MSH4: variants seen among roughly 807,000 people sequenced by gnomAD.
MSH4 encodes the protein mutS homolog 4, also known as mutS protein homolog 4.
MSH4 carries 106 observed loss-of-function variants against 113.7 expected under a neutral mutation model. The ratio of observed to expected loss-of-function variants is 0.93; its 90% CI spans 0.80 to 1.10. MSH4 has a LOEUF of 1.10. Ranked by LOEUF, MSH4 falls within the 50% of genes least tolerant of loss-of-function variation. The probability of loss-of-function intolerance (pLI) is 0.00; values close to 1 mark genes in which losing one functional copy is unlikely to be tolerated. For missense variants in MSH4, 1,061 were observed against 1,093.7 expected (o/e 0.97, Z 0.42); for synonymous variants, 368 against 380.2 (o/e 0.97, Z 0.37).
At chr1:75,874,941 G>A (rs1387191696) in intron 9 of MSH4, among the ~76,000 whole-genome samples, 1 of 152,120 alleles carries the variant, frequency 6.6e-6, no homozygotes, top group African/African-American at 2.4e-5. Context: ...CACCCAGGCT[G>A]GAGTGCAGTG....
chr1:75,798,795 C>T (rs561228195), intron 1 of MSH4, among the ~76,000 whole-genome samples: 5 of 152,148 alleles, frequency 3.3e-5, no homozygotes, highest in South Asian at 2.1e-4. Flanking sequence ...TAGGCTCAAG[C>T]GATCCTCCTA....
At chr1:75,811,928 T>G (rs1650198007) in intron 4 of MSH4, among the ~76,000 whole-genome samples, 1 of 152,232 alleles carries the variant, frequency 6.6e-6, no homozygotes, top group South Asian at 2.1e-4. Context: ...TGCCTTTGAC[T>G]CATTGCCAGA....
chr1:75,833,874 G>A (rs533365829), intron 7 of MSH4, among the ~76,000 whole-genome samples: 2 of 152,298 alleles, frequency 1.3e-5, no homozygotes, highest in South Asian at 4.1e-4. Flanking sequence ...ATAGGCATGG[G>A]CAAGGACTTC....
chr1:75,892,212 T>C (rs1652270901), intron 17 of MSH4, among the ~76,000 whole-genome samples: 1 of 152,202 alleles, frequency 6.6e-6, no homozygotes, highest in Non-Finnish European at 1.5e-5. Context: ...AACTGAAACA[T>C]TGGCTTTTTC....
intron 6 of MSH4, among the ~76,000 whole-genome samples, chr1:75,816,759 TG>T (rs1484725887): frequency 6.6e-6 from 1 of 152,092 alleles, no homozygotes; most frequent in Non-Finnish European, 1.5e-5. Context: ...CCCAAGTAGT[TG>T]GGACTACAGG....
At chr1:75,825,984 G>A (rs886956281) in intron 7 of MSH4, among the ~76,000 whole-genome samples, 10 of 152,192 alleles carry the variant, frequency 6.6e-5, no homozygotes, top group Non-Finnish European at 1.2e-4. Context: ...CTCATAAAAT[G>A]AGTTAGAGAG....
rs780544690 is a variant in MSH4, at chr1:75,859,075, T to C, written c.1231-8439T>C. On this transcript the variant is annotated intron_variant, in intron 8 of 19. Transcript: ENST00000263187. ...ATAGAGGTGTTTATAGTATTCTCTA[T>C]GGTAGTTTGAATTTCTGTGGGATCG... Among the ~76,000 whole-genome samples, 5 of 152,364 alleles carry C rather than the reference T, an allele frequency of 3.3e-5. No individual in the cohort carries two copies. The East Asian group carries it at 9.6e-4, about 29-fold the overall frequency.
At chr1:75,898,299 A>T (rs866392860) in intron 18 of MSH4, among the ~76,000 whole-genome samples, 1 of 152,058 alleles carries the variant, frequency 6.6e-6, no homozygotes, top group Non-Finnish European at 1.5e-5. Context: ...GCCAGTAACT[A>T]TGTAAAAATA....
intron 16 of MSH4, 59 bp from the exon 17 acceptor site, chr1:75,890,637 C>T: frequency 2.3e-6 from 2 of 875,060 alleles, no homozygotes; most frequent in Non-Finnish European, 3.3e-6. Flanking sequence ...CTCATTTTTT[C>T]CTGTGATATT....
chr1:75,885,475 A>G (rs977958063), intron 15 of MSH4, among the ~76,000 whole-genome samples: 5 of 128,068 alleles, frequency 3.9e-5, no homozygotes, highest in African/African-American at 1.5e-4. Context: ...ATATACACAC[A>G]CACACACAAA....
intron 9 of MSH4, among the ~76,000 whole-genome samples, chr1:75,871,627 A>G (rs1361075446): frequency 6.6e-6 from 1 of 152,232 alleles, no homozygotes; most frequent in Non-Finnish European, 1.5e-5. Context: ...GAGACAGACA[A>G]CTTATTAAAC....
At chr1:75,888,616 T>TC (rs1553138715) in intron 15 of MSH4, among the ~76,000 whole-genome samples, 1 of 151,102 alleles carries the variant, frequency 6.6e-6, no homozygotes, top group African/African-American at 2.4e-5. Context: ...TTTCTTTTTT[T>TC]AATTTATTTT....
At chr1:75,803,634 A>T (rs1649990199) in intron 1 of MSH4, 97 bp from the exon 2 acceptor site, 1 of 967,318 alleles carries the variant, frequency 1.0e-6, no homozygotes, top group Non-Finnish European at 1.4e-6. Flanking sequence ...GAAAAAAAGA[A>T]AAAAAAGGAA....
chr1:75,798,005 T>C lies in MSH4; in HGVS notation c.244+776T>C, dbSNP rs143693790. 5.7e-3 allele frequency among the ~76,000 whole-genome samples: 862 copies of C among 152,324 alleles called. 5 individuals carry two copies. The highest frequency in any genetic ancestry group is 0.017 in the Middle Eastern group (5 of 294). On this transcript the variant is annotated intron_variant, in intron 1 of 19. Transcript: ENST00000263187. ...TCATTTATTATTTTGTTAGTCTCTATTCATGACAAAGCATCACCATTTTTC... is the reference window on the plus strand; with the variant it reads ...TCATTTATTATTTTGTTAGTCTCTACTCATGACAAAGCATCACCATTTTTC...
At chr1:75,903,149 G>A (rs1652547307) in intron 19 of MSH4, among the ~76,000 whole-genome samples, 1 of 151,702 alleles carries the variant, frequency 6.6e-6, no homozygotes, top group African/African-American at 2.4e-5. Context: ...ATTTCCCAAT[G>A]TTTTCTTCAA....
At chr1:75,844,297 A>C (rs1651030795) in intron 7 of MSH4, among the ~76,000 whole-genome samples, 1 of 152,250 alleles carries the variant, frequency 6.6e-6, no homozygotes, top group African/African-American at 2.4e-5. Context: ...TCTATGTTAA[A>C]TGGTTAAAGT....
chr1:75,833,153 A>G (rs1650744193), intron 7 of MSH4, among the ~76,000 whole-genome samples: 1 of 152,220 alleles, frequency 6.6e-6, no homozygotes, highest in African/African-American at 2.4e-5. Context: ...AGACATACAG[A>G]GAGCCAACTC....
intron 6 of MSH4, 32 bp downstream of exon 6, chr1:75,816,578 T>G: frequency 4.9e-6 from 6 of 1,226,748 alleles, no homozygotes; most frequent in Non-Finnish European, 6.6e-6. Flanking sequence ...GTATAAAATA[T>G]ATCGGTATAT....
chr1:75,877,591 G>C (rs1187485497), intron 10 of MSH4, among the ~76,000 whole-genome samples: 1 of 152,138 alleles, frequency 6.6e-6, no homozygotes, highest in Non-Finnish European at 1.5e-5. Flanking sequence ...ATATAGAATG[G>C]AATGAAGGAA....
Sources: allele counts gnomAD v4.1 joint callset (sites outside exome capture counted in the v4.1 genomes callset), GRCh38; gene constraint gnomAD v4.1.1; transcripts MANE v1.5; gene names NCBI Gene and HGNC (gene_info 2026-07-23, HGNC 2026-07-21).